Variants in PIGN observed in about 807,000 individuals in gnomAD.
The protein encoded by PIGN is phosphatidylinositol glycan anchor biosynthesis class N.
PIGN carries 117 observed loss-of-function variants against 125.4 expected under a neutral mutation model. The ratio of observed to expected loss-of-function variants is 0.93; its 90% CI spans 0.80 to 1.09. The LOEUF is 1.09. Ranked by LOEUF, PIGN falls within the 50% of genes least tolerant of loss-of-function variation. PIGN has a pLI of 0.00. For missense variants in PIGN, 1,075 were observed against 1,094.9 expected (o/e 0.98, Z 0.26); for synonymous variants, 392 against 377.8 (o/e 1.04, Z -0.44).
At chr18:62,133,961 A>G (rs549859749) in intron 14 of PIGN, among the ~76,000 whole-genome samples, 2 of 152,260 alleles carry the variant, frequency 1.3e-5, no homozygotes, top group South Asian at 2.1e-4. Context: ...TTTAAAAAAC[A>G]TGTTCTTCTT....
chr18:62,097,969 C>A (rs1420465866), intron 22 of PIGN, among the ~76,000 whole-genome samples: 1 of 152,184 alleles, frequency 6.6e-6, no homozygotes, highest in Non-Finnish European at 1.5e-5. Context: ...TGAAGATAGA[C>A]AAGTTGGGAT....
At chr18:62,185,002 T>A (rs2037845642) in intron 1 of PIGN, among the ~76,000 whole-genome samples, 1 of 152,200 alleles carries the variant, frequency 6.6e-6, no homozygotes, top group South Asian at 2.1e-4. Context: ...TCACAATAAA[T>A]AATGAGTAGA....
In PIGN at chr18:62,146,993, A is replaced by C. The variant is rs1010426852; in HGVS notation, c.783T>G (p.Ser261=). ...NDGKTTFIFT[S]DHGMTDWGSH... is the part of the protein sequence containing the mutation. The stretch of plus-strand genomic sequence containing the variant: ...AACCCCAGTCTGTCATTCCATGGTC[A>C]GAGGTAAAGATAAATGTTGTTTTCC... Residue 261 remains serine (S), a synonymous_variant, in exon 9 of 31, where the codon TCT becomes TCG. Transcript: ENST00000640252. 1.9e-6 allele frequency: 3 copies of C among 1,612,352 alleles called. No homozygotes were observed. Among genetic ancestry groups the C allele is most frequent in the Non-Finnish European group, 2.5e-6 (3 of 1,178,746 alleles).
At chr18:62,062,190 C>T (rs2032192557) in intron 30 of PIGN, among the ~76,000 whole-genome samples, 1 of 152,168 alleles carries the variant, frequency 6.6e-6, no homozygotes, top group Non-Finnish European at 1.5e-5. Flanking sequence ...CCATCCTGAC[C>T]CTGCTCCCCC....
chr18:62,047,724 G>C lies in PIGN; in HGVS notation c.2673-1745C>G, dbSNP rs1261541491. ...GAATGTCAGAAGCCAGTTAAAACAG[G>C]TTTAAATAAGACTGAGAATCTCATA... On this transcript the variant is annotated intron_variant, in intron 30 of 30. Transcript: ENST00000640252. Among the ~76,000 whole-genome samples the C allele has an allele frequency of 2.6e-5, 4 of 152,112 alleles. No homozygotes were observed. The East Asian group carries it at 7.7e-4, about 29-fold the overall frequency.
rs2036410123 is a variant in PIGN, at chr18:62,148,312, G to A, written c.576C>T (p.Asn192=). The change falls in exon 8 of 31, where the codon AAC becomes AAT. Residue 192 remains asparagine, a synonymous_variant. Coordinates refer to ENST00000640252, the MANE Select transcript of PIGN (RefSeq NM_176787.5). ...CATTTATTTTAGAAAACAAAGACTGGTTGTTTCTGGCATGATGAAAGAAGT... is the reference window on the plus strand; with the variant it reads ...CATTTATTTTAGAAAACAAAGACTGATTGTTTCTGGCATGATGAAAGAAGT... ...VKDFFHHARN[N]QSLFSKINEE... 6.6e-7 allele frequency: 1 copy of A among 1,521,884 alleles called. No homozygotes were observed. The highest frequency in any genetic ancestry group is 1.4e-5 in the African/African-American group (1 of 71,884). The allele number at this position is 1,521,884 out of a possible 1,614,324, so 94.3% of individuals were successfully genotyped here. A position where few individuals can be genotyped will look rare whatever the true frequency, so the allele number is the denominator to read the frequency against.
chr18:62,081,526 G>GT (rs2033448051), intron 28 of PIGN, among the ~76,000 whole-genome samples: 1 of 152,088 alleles, frequency 6.6e-6, no homozygotes, highest in Non-Finnish European at 1.5e-5. Flanking sequence ...GTTGTGTTTT[G>GT]TTTTTCATTG....
In PIGN at chr18:62,161,235, G is replaced by T. The variant is rs1310557310; in HGVS notation, c.119C>A (p.Pro40His). 6.2e-7 allele frequency: 1 copy of T among 1,613,706 alleles called. No individual in the cohort carries two copies. Residue 40 changes from proline (P) to histidine (H), a missense_variant, in exon 4 of 31, where the codon CCT (proline) becomes CAT (histidine). Transcript: ENST00000640252. ...HGMTPQFTPL[P>H]PPARRLVLFV... ...CAACACTAATCTTCTCGCTGGAGGA[G>T]GCAATGGTGTAAACTGAGGAGTCAT...
Position 62,107,049 on chromosome 18 carries a change from CA to C in PIGN, c.1610del (p.Leu537Ter). On this transcript the variant is annotated frameshift_variant, in exon 18 of 31. Transcript: ENST00000640252. LOFTEE classifies it high-confidence loss of function. The stretch of plus-strand genomic sequence containing the variant: ...CAACAAAATGGCTCAGAGGATAGGT[CA>C]ACACTGATACAACAAGGTCCTGAAT... The part of the protein sequence containing the change: ...QVIQDLVVSV[L>X]TYPLSHFVGY... The C allele has an allele frequency of 6.3e-7, 1 of 1,589,000 alleles. No homozygotes were observed. Among genetic ancestry groups the C allele is most frequent in the Non-Finnish European group, 8.6e-7 (1 of 1,167,126 alleles).
In PIGN at chr18:62,061,881, G is replaced by A. The variant is rs531518273; in HGVS notation, c.2672+10792C>T. Among the ~76,000 whole-genome samples, 3 of 152,186 alleles carry A rather than the reference G, an allele frequency of 2.0e-5. No homozygotes were observed. In the South Asian group the frequency reaches 6.2e-4, roughly 32 times the overall value. On this transcript the variant is annotated intron_variant, in intron 30 of 30. Transcript: ENST00000640252. ...GAAGTTTTGACATGTGAACCCTATCGTATGGTGCTTTAGTTTTGAATCTTG... is the reference window on the plus strand; with the variant it reads ...GAAGTTTTGACATGTGAACCCTATCATATGGTGCTTTAGTTTTGAATCTTG...
chr18:62,031,081 T>G (rs1389569533), intron 23 of PIGN, among the ~76,000 whole-genome samples: 1 of 152,222 alleles, frequency 6.6e-6, no homozygotes, highest in Non-Finnish European at 1.5e-5. Flanking sequence ...AATCCCCACA[T>G]GTCAAGGGCA....
chr18:62,160,512 CTTTT>C lies in PIGN; in HGVS notation c.221+617_221+620del, dbSNP rs561498846. Among the ~76,000 whole-genome samples, 3 of 149,562 alleles carry C rather than the reference CTTTT, an allele frequency of 2.0e-5. No homozygotes were observed. In the East Asian group the frequency reaches 5.8e-4, roughly 29 times the overall value. On this transcript the variant is annotated intron_variant, in intron 4 of 30. Coordinates refer to ENST00000640252, the MANE Select transcript of PIGN (RefSeq NM_176787.5). ...GTCTTTATTTTGTAAAATTAGCAGA[CTTTT>C]TTTTTGTTTTTTTTTTTGAGACGGA... is the stretch of plus-strand genomic sequence containing the variant.
rs745318716 is a variant in PIGN at position 62,161,184 on chromosome 18, T to C, written c.170A>G (p.Asp57Gly). ...VLFVADGLRA[D>G]ALYELDENGN... ...ATTTTCATCTAATTCGTAAAGTGCA[T>C]CTGCTCGAAGGCCATCAGCAACAAA... The change falls in exon 4 of 31, where the codon GAT (aspartate) becomes GGT (glycine). Residue 57 changes from aspartate (D) to glycine (G), a missense_variant. Physicochemically the swap from Asp to Gly is moderately conservative, Grantham distance 94. Around this residue, in one of 3 missense-constraint regions of PIGN, gnomAD observed 152 missense variants for 162.9 expected, o/e 0.93. Transcript: ENST00000640252. 5.1e-5 allele frequency: 83 copies of C among 1,613,928 alleles called. No individual in the cohort carries two copies. In the Middle Eastern group the frequency reaches 8.2e-4, roughly 16 times the overall value.
intron 23 of PIGN, among the ~76,000 whole-genome samples, chr18:62,033,042 C>G (rs771514245): frequency 1.3e-5 from 2 of 152,222 alleles, no homozygotes; most frequent in South Asian, 4.1e-4. Flanking sequence ...GGTTGGGGAC[C>G]AAGGGAAGCT....
At chr18:62,048,665 T>G (rs1448522856) in intron 30 of PIGN, among the ~76,000 whole-genome samples, 1 of 148,484 alleles carries the variant, frequency 6.7e-6, no homozygotes, top group Non-Finnish European at 1.5e-5. Context: ...AGACCTAACC[T>G]AAAAGAATGT....
intron 22 of PIGN, among the ~76,000 whole-genome samples, chr18:62,097,842 T>C (rs1474587481): frequency 6.6e-6 from 1 of 152,124 alleles, no homozygotes; most frequent in South Asian, 2.1e-4. Context: ...TAAAAGCAAC[T>C]ACCCAAGTGG....
intron 1 of PIGN, among the ~76,000 whole-genome samples, chr18:62,176,875 A>G (rs1158921883): frequency 1.6e-4 from 24 of 152,180 alleles, no homozygotes; most frequent in Admixed American, 1.5e-3. Context: ...TAAGATGTTT[A>G]CATTAGGTGA....
chr18:62,096,024 G>A, intron 22 of PIGN, 74 bp from the exon 23 acceptor site: 2 of 885,242 alleles, frequency 2.3e-6, no homozygotes, highest in Admixed American at 2.0e-5. Context: ...GCCGGGCGTG[G>A]TGGCTCACAC....
chr18:62,096,966 A>G (rs1292912085), intron 22 of PIGN, among the ~76,000 whole-genome samples: 1 of 151,532 alleles, frequency 6.6e-6, no homozygotes, highest in African/African-American at 2.4e-5. Flanking sequence ...AGTCTTTGCT[A>G]TTGTGAATAG....
Sources: allele counts gnomAD v4.1 joint callset (sites outside exome capture counted in the v4.1 genomes callset), GRCh38; gene constraint gnomAD v4.1.1; regional missense constraint gnomAD v4.1.1; transcripts MANE v1.5; gene names NCBI Gene and HGNC (gene_info 2026-07-23, HGNC 2026-07-21).